PTPRK: variants seen among roughly 807,000 people sequenced by gnomAD.
PTPRK encodes receptor-type tyrosine-protein phosphatase kappa.
In PTPRK, 75 loss-of-function variants were observed where a neutral mutation model predicts 178.0. That is an observed-to-expected ratio of 0.42 (90% CI 0.35 to 0.51). The LOEUF (loss-of-function observed/expected upper bound fraction) is 0.51. Among genes scored for constraint, PTPRK ranks in the 20% least tolerant of loss-of-function variants. PTPRK has a pLI of 0.02. For missense variants in PTPRK, 1,441 were observed against 1,797.8 expected, an observed-to-expected ratio of 0.80 and a Z score of 3.59; for synonymous variants, 637 against 620.6, an observed-to-expected ratio of 1.03 and a Z score of -0.39.
chr6:127,988,657 T>C (rs983913455), intron 21 of PTPRK, among the ~76,000 whole-genome samples: 3 of 152,126 alleles, frequency 2.0e-5, no homozygotes. Context: ...TTATACATAA[T>C]ATTTTCCATA....
At chr6:128,306,400 A>G (rs1379759132) in intron 3 of PTPRK, among the ~76,000 whole-genome samples, 1 of 152,224 alleles carries the variant, frequency 6.6e-6, no homozygotes, top group African/African-American at 2.4e-5. Context: ...AAGTTAGAAG[A>G]CAGATGTTAT....
intron 11 of PTPRK, among the ~76,000 whole-genome samples, chr6:128,076,750 T>C (rs1783896750): frequency 6.6e-6 from 1 of 151,988 alleles, no homozygotes; most frequent in African/African-American, 2.4e-5. Context: ...GGTAATAAAG[T>C]AAAAGACTTT....
rs979139358 is a variant in PTPRK, at chr6:127,989,268, CT to C, written c.3096+1500del. 2.0e-4 allele frequency among the ~76,000 whole-genome samples: 31 copies of C among 152,060 alleles called. No homozygotes were observed. The East Asian group carries it at 5.4e-3, about 27-fold the overall frequency. ...ATTCATTAAATCAAGCTTAATGGTT[CT>C]TTCTGAAATCTCCCATATCAATTGC... is the stretch of plus-strand genomic sequence containing the variant. On this transcript the variant is annotated intron_variant, in intron 21 of 29. Coordinates refer to ENST00000368226, the MANE Select transcript of PTPRK (RefSeq NM_002844.4).
At chr6:127,977,792 TAG>T (rs1259339435) in intron 25 of PTPRK, among the ~76,000 whole-genome samples, 1 of 152,220 alleles carries the variant, frequency 6.6e-6, no homozygotes, top group Non-Finnish European at 1.5e-5. Context: ...CCTCCTTGAT[TAG>T]AACACAATAT....
chr6:128,460,564 C>T (rs913866295), intron 1 of PTPRK, among the ~76,000 whole-genome samples: 3 of 152,012 alleles, frequency 2.0e-5, no homozygotes, highest in Non-Finnish European at 2.9e-5. Flanking sequence ...AGAAAGAATG[C>T]CCTTTTCCTT....
At chr6:128,336,348 T>C (rs968358316) in intron 2 of PTPRK, among the ~76,000 whole-genome samples, 1 of 152,112 alleles carries the variant, frequency 6.6e-6, no homozygotes, top group African/African-American at 2.4e-5. Flanking sequence ...TTTTAAAGCT[T>C]CCCTCTGGGG....
chr6:128,225,029 A>G (rs992155406), intron 5 of PTPRK, among the ~76,000 whole-genome samples: 34 of 152,184 alleles, frequency 2.2e-4, no homozygotes, highest in Non-Finnish European at 2.9e-5. Context: ...GTATCCTAAA[A>G]GAAATATGGT....
rs115317022 is a variant in PTPRK, at chr6:128,052,386, G to A, written c.2194+12372C>T. On this transcript the variant is annotated intron_variant, in intron 13 of 29. Transcript: ENST00000368226. ...CTAATGATGTTCTTTGTATCTAAAT[G>A]ATCTAATTAGTTATATTTAGTTGCT... Among the ~76,000 whole-genome samples, 242 of 152,242 alleles carry A rather than the reference G, an allele frequency of 1.6e-3. 1 individual carries two copies. Among genetic ancestry groups the A allele is most frequent in the African/African-American group, 5.5e-3 (229 of 41,554 alleles).
Position 128,038,628 on chromosome 6 carries a change from G to C in PTPRK, c.2194+26130C>G, listed in dbSNP as rs117004027. On this transcript the variant is annotated intron_variant, in intron 13 of 29. Coordinates refer to ENST00000368226, the MANE Select transcript of PTPRK (RefSeq NM_002844.4). Reference sequence around the variant, plus strand: ...TGATTTAGAATCTACTGCAGCTCAGGAAATGCGACAGGACCACTATGCACT... The same window carrying C: ...TGATTTAGAATCTACTGCAGCTCAGCAAATGCGACAGGACCACTATGCACT... 8.8e-3 allele frequency among the ~76,000 whole-genome samples: 1,340 copies of C among 152,226 alleles called. 48 individuals are homozygous for C. The highest frequency in any genetic ancestry group is 0.052 in the East Asian group (271 of 5,190).
At chr6:128,417,069 T>C (rs1842937038) in intron 1 of PTPRK, among the ~76,000 whole-genome samples, 1 of 150,852 alleles carries the variant, frequency 6.6e-6, no homozygotes, top group Non-Finnish European at 1.5e-5. Flanking sequence ...TGTATATATA[T>C]ATACTGTAAA....
intron 7 of PTPRK, among the ~76,000 whole-genome samples, chr6:128,125,548 G>A (rs747826292): frequency 2.1e-5 from 3 of 146,058 alleles, no homozygotes; most frequent in Admixed American, 2.0e-4. Context: ...CCAGTCTTGA[G>A]TGTTTCTTTA....
intron 13 of PTPRK, among the ~76,000 whole-genome samples, chr6:128,038,137 C>A (rs997247464): frequency 6.6e-6 from 1 of 152,028 alleles, no homozygotes; most frequent in African/African-American, 2.4e-5. Context: ...ACTGGTAATA[C>A]GCATATTTAT....
intron 7 of PTPRK, among the ~76,000 whole-genome samples, chr6:128,123,666 T>C (rs375433015): frequency 1.3e-5 from 2 of 152,234 alleles, no homozygotes; most frequent in Non-Finnish European, 2.9e-5. Context: ...TTTTACTTAA[T>C]GTCCTCTTTC....
At chr6:128,035,509 C>A (rs1485245107) in intron 13 of PTPRK, among the ~76,000 whole-genome samples, 11 of 152,138 alleles carry the variant, frequency 7.2e-5, no homozygotes, top group Non-Finnish European at 1.2e-4. Context: ...TGGGATTTCA[C>A]CTTATGATCT....
chr6:128,240,982 C>T (rs973149886), intron 4 of PTPRK, among the ~76,000 whole-genome samples: 1 of 152,186 alleles, frequency 6.6e-6, no homozygotes, highest in African/African-American at 2.4e-5. Flanking sequence ...TGCTGTTGTG[C>T]TCAATCCACC....
chr6:128,119,180 T>C (rs1361575235), intron 7 of PTPRK, among the ~76,000 whole-genome samples: 1 of 151,956 alleles, frequency 6.6e-6, no homozygotes, highest in Non-Finnish European at 1.5e-5. Context: ...TTCTCTCCAG[T>C]AATAAAAACA....
chr6:128,052,166 C>A (rs1779124347), intron 13 of PTPRK, among the ~76,000 whole-genome samples: 3 of 152,142 alleles, frequency 2.0e-5, no homozygotes, highest in Admixed American at 1.3e-4. Context: ...AGAAAATTTG[C>A]AAATACACTA....
chr6:128,136,845 T>G (rs1161701939), intron 7 of PTPRK, among the ~76,000 whole-genome samples: 1 of 152,202 alleles, frequency 6.6e-6, no homozygotes, highest in African/African-American at 2.4e-5. Context: ...AATCCATTGC[T>G]CAGAGCTGGA....
intron 1 of PTPRK, among the ~76,000 whole-genome samples, chr6:128,492,249 G>A (rs1853911218): frequency 6.6e-6 from 1 of 152,114 alleles, no homozygotes; most frequent in Admixed American, 6.5e-5. Context: ...ACTGCTCTAT[G>A]TCTTTGGTCT....
Sources: gnomAD v4.1 joint callset for allele counts (sites outside exome capture counted in the v4.1 genomes callset) on GRCh38, gnomAD v4.1.1 for gene constraint, MANE v1.5 for transcripts, NCBI Gene and HGNC (gene_info 2026-07-23, HGNC 2026-07-21) for gene names.